The following C5orf22 variants were observed in gnomAD, a reference collection of about 807,000 sequenced individuals.
The protein encoded by C5orf22 is UPF0489 protein C5orf22.
Under a neutral mutation model 48.7 loss-of-function variants are expected in C5orf22, and 36 were observed. The ratio of observed to expected loss-of-function variants is 0.74; its 90% CI spans 0.57 to 0.98. C5orf22 has a LOEUF of 0.98. Ranked by LOEUF, C5orf22 falls within the 50% of genes least tolerant of loss-of-function variation. The probability of loss-of-function intolerance (pLI) is 0.00; values close to 1 mark genes in which losing one functional copy is unlikely to be tolerated. For missense variants in C5orf22, 486 were observed against 521.9 expected, an observed-to-expected ratio of 0.93 and a Z score of 0.67; for synonymous variants, 141 against 180.8, an observed-to-expected ratio of 0.78 and a Z score of 1.76.
At chr5:31,542,377 G>A (rs956578478) in intron 6 of C5orf22, among the ~76,000 whole-genome samples, 12 of 151,242 alleles carry the variant, frequency 7.9e-5, no homozygotes, top group South Asian at 2.1e-4. Flanking sequence ...GGAAAATGGC[G>A]TGAATCCGGG....
chr5:31,539,665 A>G (rs1281916078), intron 4 of C5orf22, among the ~76,000 whole-genome samples: 1 of 152,202 alleles, frequency 6.6e-6, no homozygotes, highest in East Asian at 1.9e-4. Context: ...ACTTTTTAAA[A>G]AGCATATATT....
At chr5:31,537,064 ATAAT>A (rs1372835516) in intron 3 of C5orf22, among the ~76,000 whole-genome samples, 2 of 152,260 alleles carry the variant, frequency 1.3e-5, no homozygotes, top group Non-Finnish European at 2.9e-5. Context: ...TTCAAAAGAA[ATAAT>A]TAAGACTCAG....
chr5:31,550,750 C>T (rs531244975), intron 7 of C5orf22, among the ~76,000 whole-genome samples: 7 of 152,110 alleles, frequency 4.6e-5, no homozygotes, highest in Admixed American at 2.0e-4. Flanking sequence ...TTAGTAGAGA[C>T]GGGGTTTCTC....
intron 2 of C5orf22, chr5:31,534,862 AAC>A: frequency 2.7e-6 from 1 of 370,592 alleles, no homozygotes; most frequent in Non-Finnish European, 5.3e-6. Context: ...TGGGCAACAT[AAC>A]CAGACCCCAT....
Position 31,534,355 on chromosome 5 carries a change from A to C in C5orf22, c.165A>C (p.Pro55=). Residue 55 remains proline, a synonymous_variant, in exon 2 of 9, where the codon CCA becomes CCC. Transcript: ENST00000325366. ...NVSFLHFDSH[P]DLLIPVNMPA... is the part of the protein sequence containing the mutation. ...GTTTTTTACATTTCGACTCACATCC[A>C]GACCTCCTTATTCCTGTGAATATGC... 1 of 1,613,960 alleles carries C rather than the reference A, an allele frequency of 6.2e-7. No homozygotes were observed. Among genetic ancestry groups the C allele is most frequent in the Non-Finnish European group, 8.5e-7 (1 of 1,179,824 alleles).
chr5:31,540,944 TC>T lies in C5orf22; in HGVS notation c.808-3del. The T allele has an allele frequency of 6.2e-7, 1 of 1,606,436 alleles. No homozygotes were observed. Among genetic ancestry groups the T allele is most frequent in the Non-Finnish European group, 8.5e-7 (1 of 1,176,308 alleles). ...GGTATGTGGATTTTTTGTTTTGTTT[TC>T]CAGGAAGAGTACAAAATCTTACAAG... On this transcript the variant is annotated splice_polypyrimidine_tract_variant and splice_region_variant and intron_variant, in intron 4 of 8. Transcript: ENST00000325366.
At position 31,532,339 on chromosome 5, in the gene C5orf22, C is replaced by T. The variant is rs559393184; in HGVS notation, c.-54C>T. 3 of 1,586,576 alleles carry T rather than the reference C, an allele frequency of 1.9e-6. No homozygotes were observed. The highest frequency in any genetic ancestry group is 2.6e-6 in the Non-Finnish European group (3 of 1,155,794). On this transcript the variant is annotated 5_prime_UTR_variant, in exon 1 of 9. Coordinates refer to ENST00000325366, the MANE Select transcript of C5orf22 (RefSeq NM_018356.3). Reference sequence around the variant, plus strand: ...TGGCCGGGATGAGGCGCCGGCTTTCCCGGGTCTTCTCCAGCTGCCACCGCT... The same window carrying T: ...TGGCCGGGATGAGGCGCCGGCTTTCTCGGGTCTTCTCCAGCTGCCACCGCT...
chr5:31,541,105 A>AGT (rs35650579), intron 5 of C5orf22, 94 bp downstream of exon 5: 27,724 of 674,438 alleles, frequency 0.041, 644 homozygotes, highest in African/African-American at 0.14. Context: ...GACTGCTCAA[A>AGT]GTGTGTGTGT....
rs577131815 is a variant in C5orf22 at position 31,551,162 on chromosome 5, T to C, written c.1060-131T>C. 4.3e-4 allele frequency: 361 copies of C among 842,716 alleles called. 1 individual carries two copies. Among genetic ancestry groups the C allele is most frequent in the Middle Eastern group, 1.1e-3 (3 of 2,818 alleles). 52.2% of individuals were successfully genotyped at this position (842,716 alleles called of 1,614,324 possible). On this transcript the variant is annotated intron_variant, in intron 7 of 8. Transcript: ENST00000325366. ...TCTTTATATGCTATTATGAATCACATGTACCCTGAAAATATGCACATCTTT... is the reference window on the plus strand; with the variant it reads ...TCTTTATATGCTATTATGAATCACACGTACCCTGAAAATATGCACATCTTT...
Position 31,551,347 on chromosome 5 carries a change from A to G in C5orf22, c.1114A>G (p.Thr372Ala). 2 of 1,613,746 alleles carry G rather than the reference A, an allele frequency of 1.2e-6. No individual in the cohort carries two copies. Among genetic ancestry groups the G allele is most frequent in the Non-Finnish European group, 1.7e-6 (2 of 1,179,864 alleles). The change falls in exon 8 of 9, where the codon ACA (threonine) becomes GCA (alanine). Residue 372 changes from threonine to alanine, a missense_variant. By Grantham distance (58) the Thr-to-Ala change is moderately conservative. This residue lies in a region of C5orf22 where 408 missense variants were observed against 444.0 expected (regional missense o/e 0.92). Transcript: ENST00000325366. ...DYSELPHHIS[T>A]EQEIECLIQS... Reference sequence around the variant, plus strand: ...TTCAGAACTTCCTCACCATATCAGCACAGAACAAGAAATAGAGTGTCTTAT... The same window carrying G: ...TTCAGAACTTCCTCACCATATCAGCGCAGAACAAGAAATAGAGTGTCTTAT...
At chr5:31,552,027 T>C (rs1292159039) in intron 8 of C5orf22, among the ~76,000 whole-genome samples, 1 of 152,212 alleles carries the variant, frequency 6.6e-6, no homozygotes, top group East Asian at 1.9e-4. Flanking sequence ...TCTATAAAGA[T>C]TTCTGTGCTG....
chr5:31,549,680 AG>A (rs1416029225), intron 7 of C5orf22, among the ~76,000 whole-genome samples: 1 of 152,174 alleles, frequency 6.6e-6, no homozygotes, highest in Non-Finnish European at 1.5e-5. Flanking sequence ...ATTTGAGACC[AG>A]CCTGGGCAAC....
chr5:31,552,264 G>A (rs561676417), intron 8 of C5orf22, among the ~76,000 whole-genome samples: 45 of 152,136 alleles, frequency 3.0e-4, no homozygotes, highest in Non-Finnish European at 5.9e-4. Flanking sequence ...CCAGCACATC[G>A]CCACATTTCA....
At chr5:31,552,277 T>G (rs1186498264) in intron 8 of C5orf22, among the ~76,000 whole-genome samples, 1 of 152,220 alleles carries the variant, frequency 6.6e-6, no homozygotes, top group African/African-American at 2.4e-5. Context: ...ACATTTCATT[T>G]TGGACCAAGC....
intron 2 of C5orf22, among the ~76,000 whole-genome samples, chr5:31,535,294 A>G (rs1742006388): frequency 4.6e-5 from 7 of 152,360 alleles, no homozygotes; most frequent in Admixed American, 4.6e-4. Flanking sequence ...GTTATGCTTC[A>G]AACTATGTAG....
In C5orf22 at chr5:31,555,025, G is replaced by T. The variant is rs1425237304; in HGVS notation, c.*2123G>T. The T allele has an allele frequency of 6.6e-6, 1 of 152,192 alleles. No individual in the cohort carries two copies. Among genetic ancestry groups the T allele is most frequent in the Non-Finnish European group, 1.5e-5 (1 of 68,030 alleles). 9.4% of individuals were successfully genotyped at this position (152,192 alleles called of 1,614,324 possible). A position where few individuals can be genotyped will look rare whatever the true frequency, so the allele number is the denominator to read the frequency against. ...TGAATTGTGTACTAATATCATTAAA[G>T]CATGGGATTTTAGTGGCTTTTTAAA... On this transcript the variant is annotated 3_prime_UTR_variant, in exon 9 of 9. Transcript: ENST00000325366.
intron 5 of C5orf22, 102 bp downstream of exon 5, chr5:31,541,113 T>A: frequency 1.5e-6 from 1 of 667,456 alleles, no homozygotes; most frequent in Non-Finnish European, 2.5e-6. Flanking sequence ...AAAGTGTGTG[T>A]GTGTGTGTGT....
chr5:31,537,056 CA>C (rs1224562074), intron 3 of C5orf22, among the ~76,000 whole-genome samples: 1 of 152,034 alleles, frequency 6.6e-6, no homozygotes, highest in Non-Finnish European at 1.5e-5. Flanking sequence ...AGATATAATT[CA>C]AAAGAAATAA....
rs898784086 is a variant in C5orf22 at position 31,554,017 on chromosome 5, G to A, written c.*1115G>A. ...CCATAAATACCCAAAGATATAAACTGTCTTCCACCACCCCCCTCATAACTA... is the reference window on the plus strand; with the variant it reads ...CCATAAATACCCAAAGATATAAACTATCTTCCACCACCCCCCTCATAACTA... On this transcript the variant is annotated 3_prime_UTR_variant, in exon 9 of 9. Coordinates refer to ENST00000325366, the MANE Select transcript of C5orf22 (RefSeq NM_018356.3). The A allele has an allele frequency of 1.3e-5, 2 of 152,070 alleles. No homozygotes were observed. Among genetic ancestry groups the A allele is most frequent in the Admixed American group, 1.3e-4 (2 of 15,274 alleles). 9.4% of individuals were successfully genotyped at this position (152,070 alleles called of 1,614,324 possible). A position where few individuals can be genotyped will look rare whatever the true frequency, so the allele number is the denominator to read the frequency against.
Sources: allele counts gnomAD v4.1 joint callset (sites outside exome capture counted in the v4.1 genomes callset), GRCh38; gene constraint gnomAD v4.1.1; regional missense constraint gnomAD v4.1.1; transcripts MANE v1.5; gene names NCBI Gene and HGNC (gene_info 2026-07-23, HGNC 2026-07-21).